CYP17A1: variants seen among roughly 807,000 people sequenced by gnomAD.
CYP17A1 encodes steroid 17-alpha-hydroxylase/17,20 lyase.
A neutral mutation model predicts 38.5 loss-of-function variants in CYP17A1; 27 were observed. The ratio of observed to expected loss-of-function variants is 0.70; its 90% CI spans 0.52 to 0.97. CYP17A1 has a LOEUF of 0.97. CYP17A1 is among the 50% of genes least tolerant of loss of function. The pLI is 0.00. For missense variants in CYP17A1, 549 were observed against 645.9 expected (o/e 0.85, Z 1.63); for synonymous variants, 263 against 253.3 (o/e 1.04, Z -0.36).
At chr10:102,835,912 AT>A (rs1241597461) in intron 1 of CYP17A1, among the ~76,000 whole-genome samples, 1 of 152,156 alleles carries the variant, frequency 6.6e-6, no homozygotes, top group African/African-American at 2.4e-5. Flanking sequence ...ACAAGCCCAC[AT>A]TTGGAGAGTG....
chr10:102,832,602 GACGGTT>G lies in CYP17A1; in HGVS notation c.1042_1047del (p.Asn348_Arg349del), dbSNP rs776375072. 1 of 1,604,256 alleles carries G rather than the reference GACGGTT, an allele frequency of 6.2e-7. No individual in the cohort carries two copies. On this transcript the variant is annotated inframe_deletion, in exon 6 of 8. Coordinates refer to ENST00000369887, the MANE Select transcript of CYP17A1 (RefSeq NM_000102.4). Reference sequence around the variant, plus strand: ...CGGATGGTGGCCTCCAGCAGGAGGAGACGGTTACGGTCACTGATAGTTGGTGTGCGG... The same window carrying G: ...CGGATGGTGGCCTCCAGCAGGAGGAGACGGTCACTGATAGTTGGTGTGCGG...
rs767247558 is a variant in CYP17A1 at position 102,834,803 on chromosome 10, G to C, written c.648C>G (p.Asp216Glu). ...ATCTCACCTTCAACCAGGGGACTAG[G>C]TCCACCAGGCTGTCTTTGCTCAGGT... ...IDNLSKDSLV[D>E]LVPWLKIFPN... is the part of the protein sequence containing the mutation. Residue 216 changes from aspartate (D) to glutamate (E), a missense_variant, in exon 3 of 8, where the codon GAC (aspartate) becomes GAG (glutamate). Asp to Glu is a conservative substitution (Grantham distance 45). Coordinates refer to ENST00000369887, the MANE Select transcript of CYP17A1 (RefSeq NM_000102.4). The C allele has an allele frequency of 6.2e-7, 1 of 1,614,122 alleles. No homozygotes were observed. Among genetic ancestry groups the C allele is most frequent in the Admixed American group, 1.7e-5 (1 of 60,000 alleles).
At position 102,830,792 on chromosome 10, in the gene CYP17A1, G is replaced by T. The variant is rs1340097245; in HGVS notation, c.1437C>A (p.Ile479=). The part of the protein sequence containing the change: ...DDGQLPSLEG[I]PKVVFLIDSF... ...AGTCGATCAGAAAGACCACCTTGGG[G>T]ATGCCTTCCAGGGAGGGCAGCTGCC... is the stretch of plus-strand genomic sequence containing the variant. The change falls in exon 8 of 8, where the codon ATC becomes ATA. Residue 479 remains isoleucine (I), a synonymous_variant. Coordinates refer to ENST00000369887, the MANE Select transcript of CYP17A1 (RefSeq NM_000102.4). This position sits in a 1 kb window ranked among gnomAD's most constrained non-coding sequence, Gnocchi z 4.1. The T allele has an allele frequency of 6.3e-7, 1 of 1,595,846 alleles. No homozygotes were observed. Among genetic ancestry groups the T allele is most frequent in the South Asian group, 1.1e-5 (1 of 89,546 alleles).
At chr10:102,831,081 G>A in intron 7 of CYP17A1, 96 bp from the exon 8 acceptor site, 1 of 496,522 alleles carries the variant, frequency 2.0e-6, no homozygotes, top group Admixed American at 3.1e-5. Context: ...CCCTGCCCAG[G>A]GAACCCTGAT....
At position 102,830,890 on chromosome 10, in the gene CYP17A1, G is replaced by A. The variant is rs1187776023; in HGVS notation, c.1339C>T (p.Leu447=). 3 of 1,582,410 alleles carry A rather than the reference G, an allele frequency of 1.9e-6. No individual in the cohort carries two copies. The South Asian group carries it at 3.4e-5, about 18-fold the overall frequency. The change falls in exon 8 of 8, where the codon CTG becomes TTG. Residue 447 remains leucine, a synonymous_variant. Transcript: ENST00000369887. This position sits in a 1 kb window ranked among gnomAD's most constrained non-coding sequence, Gnocchi z 4.1. The part of the protein sequence containing the change: ...AGPRSCIGEI[L]ARQELFLIMA... ...ATGAGGAAGAGCTCCTGGCGGGCCA[G>A]GATCTCACCTATACAGGAGCGAGGT...
chr10:102,831,698 T>A, intron 6 of CYP17A1, 87 bp from the exon 7 acceptor site: 1 of 1,577,856 alleles, frequency 6.3e-7, no homozygotes, highest in Non-Finnish European at 8.6e-7. Flanking sequence ...TCTTCCGCCG[T>A]GAGGAAAATG....
chr10:102,832,463 G>A, intron 6 of CYP17A1, 48 bp downstream of exon 6: 1 of 1,273,696 alleles, frequency 7.9e-7, no homozygotes, highest in Non-Finnish European at 1.1e-6. Flanking sequence ...CTGGCAAGCA[G>A]TGTTGAATGC....
chr10:102,834,593 A>T, intron 3 of CYP17A1, 192 bp downstream of exon 3: 1 of 723,498 alleles, frequency 1.4e-6, no homozygotes, highest in South Asian at 1.7e-5. Context: ...ACTAAGGTGC[A>T]TAATTAAAAG....
intron 1 of CYP17A1, among the ~76,000 whole-genome samples, chr10:102,836,518 T>C (rs1844164811): frequency 6.8e-6 from 1 of 147,758 alleles, no homozygotes; most frequent in African/African-American, 2.5e-5. Context: ...GGGAGGCTCA[T>C]CAGCAACCCT....
At chr10:102,835,881 T>C (rs1590204319) in intron 1 of CYP17A1, among the ~76,000 whole-genome samples, 1 of 152,246 alleles carries the variant, frequency 6.6e-6, no homozygotes, top group South Asian at 2.1e-4. Flanking sequence ...ACCCTTCCAT[T>C]GCAAGCCTGC....
At chr10:102,834,161 C>A (rs779737203) in intron 3 of CYP17A1, 39 bp from the exon 4 acceptor site, 1 of 896,426 alleles carries the variant, frequency 1.1e-6, no homozygotes, top group Non-Finnish European at 1.9e-6. Flanking sequence ...ACCCTTCTTC[C>A]ATTTTGCTTC....
At chr10:102,834,477 G>A in intron 3 of CYP17A1, 1 of 557,868 alleles carries the variant, frequency 1.8e-6, no homozygotes, top group South Asian at 2.1e-5. Flanking sequence ...TGCACAATGG[G>A]GATAATAAAA....
intron 4 of CYP17A1, 145 bp downstream of exon 4, chr10:102,833,891 C>T (rs910712895): frequency 6.2e-6 from 4 of 645,276 alleles, no homozygotes; most frequent in African/African-American, 3.7e-5. Flanking sequence ...CGCGCCCAGC[C>T]CTTAAGTCAG....
chr10:102,833,074 T>C lies in CYP17A1; in HGVS notation c.888A>G (p.Ile296Met), dbSNP rs748033151. Residue 296 changes from isoleucine (I) to methionine (M), a missense_variant, in exon 5 of 8, where the codon ATA (isoleucine) becomes ATG (methionine). Coordinates refer to ENST00000369887, the MANE Select transcript of CYP17A1 (RefSeq NM_000102.4). The stretch of plus-strand genomic sequence containing the variant: ...CCACGCCAGCCCCAAAGATGTCCCC[T>C]ATGGTGGTGAGAATGTGGTTATCTG... The part of the protein sequence containing the change: ...LLSDNHILTT[I>M]GDIFGAGVET... The C allele has an allele frequency of 4.1e-5, 66 of 1,613,992 alleles. No homozygotes were observed. Among genetic ancestry groups the C allele is most frequent in the Non-Finnish European group, 5.3e-5 (63 of 1,180,016 alleles).
chr10:102,832,919 A>C, intron 5 of CYP17A1, 74 bp downstream of exon 5: 1 of 1,584,656 alleles, frequency 6.3e-7, no homozygotes, highest in Non-Finnish European at 8.6e-7. Context: ...AGCCTGAGAG[A>C]ATTGGCTCTC....
At chr10:102,831,268 A>G (rs181397261) in intron 7 of CYP17A1, among the ~76,000 whole-genome samples, 2 of 152,376 alleles carry the variant, frequency 1.3e-5, no homozygotes, top group Admixed American at 6.5e-5. Context: ...TTAATGGCAG[A>G]CAGAGGCGTA....
chr10:102,837,373 G>A lies in CYP17A1; in HGVS notation c.-12C>T. ...ACGAGCTCCCACATGGTGGCTGGGT[G>A]CCGGCAGGCAAGATAGACAGCAGTG... On this transcript the variant is annotated 5_prime_UTR_variant, in exon 1 of 8. Transcript: ENST00000369887. The A allele has an allele frequency of 6.3e-7, 1 of 1,589,668 alleles. No homozygotes were observed. The highest frequency in any genetic ancestry group is 8.6e-7 in the Non-Finnish European group (1 of 1,157,868).
rs556134667 is a variant in CYP17A1 at position 102,834,828 on chromosome 10, T to C, written c.623A>G (p.Asn208Ser). 1 of 1,614,156 alleles carries C rather than the reference T, an allele frequency of 6.2e-7. No homozygotes were observed. The highest frequency in any genetic ancestry group is 1.1e-5 in the South Asian group (1 of 91,068). ...IQNYNEGIID[N>S]LSKDSLVDLV... ...GTCCACCAGGCTGTCTTTGCTCAGGTTGTCTATGATGCCTTCATTGTAATT... is the reference window on the plus strand; with the variant it reads ...GTCCACCAGGCTGTCTTTGCTCAGGCTGTCTATGATGCCTTCATTGTAATT... Residue 208 changes from asparagine to serine, a missense_variant, in exon 3 of 8, where the codon AAC (asparagine) becomes AGC (serine). Physicochemically the swap from Asn to Ser is conservative, Grantham distance 46. Coordinates refer to ENST00000369887, the MANE Select transcript of CYP17A1 (RefSeq NM_000102.4).
intron 7 of CYP17A1, among the ~76,000 whole-genome samples, chr10:102,831,292 A>G (rs1844085314): frequency 6.6e-6 from 1 of 152,212 alleles, no homozygotes; most frequent in South Asian, 2.1e-4. Context: ...GGCTTCTTGG[A>G]GGGTGAATTT....
Sources: gnomAD v4.1 joint callset for allele counts (sites outside exome capture counted in the v4.1 genomes callset) on GRCh38, gnomAD v4.1.1 for gene constraint, Gnocchi (gnomAD v3.1) non-coding constraint, MANE v1.5 for transcripts, NCBI Gene and HGNC (gene_info 2026-07-23, HGNC 2026-07-21) for gene names.